Variants in SPATA6 observed in about 807,000 individuals in gnomAD.
SPATA6 encodes the protein spermatogenesis-associated protein 6.
SPATA6 carries 56 observed loss-of-function variants against 65.3 expected under a neutral mutation model. The ratio of observed to expected loss-of-function variants is 0.86; its 90% CI spans 0.69 to 1.07. The LOEUF (loss-of-function observed/expected upper bound fraction) is 1.07. Among genes scored for constraint, SPATA6 ranks in the 50% least tolerant of loss-of-function variants. The pLI, the probability that SPATA6 is intolerant of heterozygous loss-of-function variation, is 0.00. For synonymous variants in SPATA6, 199 were observed against 213.2 expected (o/e 0.93, Z 0.58); for missense variants, 590 against 594.8 (o/e 0.99, Z 0.08).
chr1:48,420,936 CAG>C (rs1237395899), intron 3 of SPATA6, among the ~76,000 whole-genome samples: 1 of 151,770 alleles, frequency 6.6e-6, no homozygotes, highest in African/African-American at 2.4e-5. Flanking sequence ...AAGCACAACA[CAG>C]AAAGAAAAAA....
intron 3 of SPATA6, among the ~76,000 whole-genome samples, chr1:48,430,873 G>A (rs1230569402): frequency 6.6e-6 from 1 of 152,046 alleles, no homozygotes; most frequent in Non-Finnish European, 1.5e-5. Context: ...TGACAAAAAA[G>A]TTGTAAGGCA....
chr1:48,469,424 GT>G (rs1179215702), intron 1 of SPATA6, among the ~76,000 whole-genome samples: 1 of 149,692 alleles, frequency 6.7e-6, no homozygotes, highest in African/African-American at 2.5e-5. Context: ...AAAAGCAAAG[GT>G]ACAGAATAGT....
intron 11 of SPATA6, among the ~76,000 whole-genome samples, chr1:48,338,773 T>A (rs1646128823): frequency 6.6e-6 from 1 of 152,034 alleles, no homozygotes; most frequent in South Asian, 2.1e-4. Context: ...TAAAATAAGC[T>A]AATCCAAAAT....
chr1:48,439,047 C>G (rs1570580155), intron 3 of SPATA6, among the ~76,000 whole-genome samples: 1 of 152,120 alleles, frequency 6.6e-6, no homozygotes, highest in South Asian at 2.1e-4. Context: ...CCTGGAGATC[C>G]CTTCCCTCCC....
At chr1:48,275,099 C>CA in the SPATA6 span, among the ~76,000 whole-genome samples, 1 of 152,254 alleles carries the variant, frequency 6.6e-6, no homozygotes, top group South Asian at 2.1e-4. Context: ...CTCTTTGTAG[C>CA]AATTGTGAAT....
At chr1:48,425,080 G>T (rs1653711117) in intron 3 of SPATA6, among the ~76,000 whole-genome samples, 1 of 152,134 alleles carries the variant, frequency 6.6e-6, no homozygotes, top group Non-Finnish European at 1.5e-5. Context: ...CCATGTACTG[G>T]AGACTTTCCC....
the SPATA6 span, among the ~76,000 whole-genome samples, chr1:48,277,064 C>A: frequency 0.038 from 5,648 of 149,056 alleles, 348 homozygotes; most frequent in African/African-American, 0.13. Flanking sequence ...TGCATTGATC[C>A]CTTTACCATT....
chr1:48,420,688 C>G (rs1376435332), intron 3 of SPATA6, among the ~76,000 whole-genome samples: 1 of 152,110 alleles, frequency 6.6e-6, no homozygotes, highest in African/African-American at 2.4e-5. Context: ...CAACAACAAA[C>G]TAACCTAGTA....
the SPATA6 span, among the ~76,000 whole-genome samples, chr1:48,264,000 G>A: frequency 6.6e-6 from 1 of 151,822 alleles, no homozygotes; most frequent in Non-Finnish European, 1.5e-5. Context: ...ATTAATTTTT[G>A]TATTTTTTTG....
intron 11 of SPATA6, among the ~76,000 whole-genome samples, chr1:48,318,147 T>G (rs539321166): frequency 6.6e-6 from 1 of 152,256 alleles, no homozygotes; most frequent in Non-Finnish European, 1.5e-5. Flanking sequence ...AGATGGTAAA[T>G]GCCATCTGTT....
intron 11 of SPATA6, among the ~76,000 whole-genome samples, chr1:48,309,475 T>A (rs1407155042): frequency 2.0e-5 from 3 of 152,220 alleles, no homozygotes; most frequent in Non-Finnish European, 2.9e-5. Context: ...GGATTTCTAT[T>A]TGGTTACTTA....
intron 2 of SPATA6, among the ~76,000 whole-genome samples, chr1:48,452,359 AAC>A (rs1656644832): frequency 6.6e-6 from 1 of 152,146 alleles, no homozygotes; most frequent in African/African-American, 2.4e-5. Context: ...AGTACCAAGA[AAC>A]AGTCATAAGT....
intron 11 of SPATA6, among the ~76,000 whole-genome samples, chr1:48,335,962 TG>T (rs1203267778): frequency 1.3e-5 from 2 of 151,894 alleles, no homozygotes; most frequent in Admixed American, 6.6e-5. Context: ...CATTAAAAAG[TG>T]GGCAAAGGAC....
intron 3 of SPATA6, among the ~76,000 whole-genome samples, chr1:48,439,435 C>T (rs1056473647): frequency 3.3e-5 from 5 of 151,796 alleles, no homozygotes; most frequent in Non-Finnish European, 4.4e-5. Context: ...GCAACTATTC[C>T]GATCAGCAGG....
the SPATA6 span, among the ~76,000 whole-genome samples, chr1:48,274,414 C>T: frequency 1.3e-5 from 2 of 152,028 alleles, no homozygotes; most frequent in African/African-American, 2.4e-5. Context: ...CAGTCTTTGC[C>T]CAGACTTATG....
the SPATA6 span, among the ~76,000 whole-genome samples, chr1:48,265,660 T>C: frequency 1.3e-5 from 2 of 152,148 alleles, no homozygotes; most frequent in African/African-American, 4.8e-5. Context: ...GCTAGATCCA[T>C]GGTTCTCAAA....
chr1:48,364,109 T>C (rs1570308901), intron 9 of SPATA6, among the ~76,000 whole-genome samples: 4 of 152,342 alleles, frequency 2.6e-5, no homozygotes, highest in African/African-American at 7.2e-5. Context: ...ATTTCATCCA[T>C]GTCCCTACAA....
At chr1:48,468,124 A>G (rs1657953885) in intron 1 of SPATA6, among the ~76,000 whole-genome samples, 1 of 152,218 alleles carries the variant, frequency 6.6e-6, no homozygotes, top group Non-Finnish European at 1.5e-5. Context: ...TCATTGCTGC[A>G]TTATTCACCA....
At chr1:48,363,853 A>C (rs1646902498) in intron 9 of SPATA6, among the ~76,000 whole-genome samples, 1 of 151,802 alleles carries the variant, frequency 6.6e-6, no homozygotes, top group Non-Finnish European at 1.5e-5. Flanking sequence ...CACAATGTGA[A>C]GGTTTGTTAC....
Sources: gnomAD v4.1 joint callset for allele counts (sites outside exome capture counted in the v4.1 genomes callset) on GRCh38, gnomAD v4.1.1 for gene constraint, MANE v1.5 for transcripts, NCBI Gene and HGNC (gene_info 2026-07-23, HGNC 2026-07-21) for gene names.